The following SLC10A7 variants were observed in gnomAD, a reference collection of about 807,000 sequenced individuals.
SLC10A7 encodes solute carrier family 10 member 7.
Under a neutral mutation model 43.2 loss-of-function variants are expected in SLC10A7, and 29 were observed. The observed-to-expected ratio is 0.67, with a 90% CI of 0.50 to 0.92. The LOEUF (loss-of-function observed/expected upper bound fraction) is 0.92, where lower values mean the gene tolerates loss of function less well. SLC10A7 is among the 40% of genes least tolerant of loss of function. SLC10A7 has a pLI of 0.00. For missense variants in SLC10A7, 295 were observed against 403.2 expected, an observed-to-expected ratio of 0.73 and a Z score of 2.30; for synonymous variants, 152 against 144.8, an observed-to-expected ratio of 1.05 and a Z score of -0.35.
chr4:146,518,922 T>C lies in SLC10A7; in HGVS notation c.101-1802A>G, dbSNP rs142364768. Among the ~76,000 whole-genome samples, 599 of 151,128 alleles carry C rather than the reference T, an allele frequency of 4.0e-3. 4 individuals carry two copies. The highest frequency in any genetic ancestry group is 0.014 in the African/African-American group (562 of 41,138). Reference sequence around the variant, plus strand: ...TTTCTGTTGTACTGAGCCACCTGGTTCATGGTAATTTGTTGTGGCAGCCCT... The same window carrying C: ...TTTCTGTTGTACTGAGCCACCTGGTCCATGGTAATTTGTTGTGGCAGCCCT... On this transcript the variant is annotated intron_variant, in intron 1 of 11. Coordinates refer to ENST00000335472, the MANE Select transcript of SLC10A7 (RefSeq NM_001029998.6).
intron 4 of SLC10A7, among the ~76,000 whole-genome samples, chr4:146,486,005 CT>C (rs139326992): frequency 0.05 from 7,569 of 152,270 alleles, 254 homozygotes; most frequent in South Asian, 0.18. Context: ...ATGGTATTCT[CT>C]TTTCCCAGCC....
chr4:146,282,184 C>A (rs576131710), intron 10 of SLC10A7, among the ~76,000 whole-genome samples: 1 of 151,998 alleles, frequency 6.6e-6, no homozygotes, highest in African/African-American at 2.4e-5. Flanking sequence ...AGTGCATAGA[C>A]TATATATATA....
At chr4:146,500,934 T>G (rs1736352973) in intron 4 of SLC10A7, among the ~76,000 whole-genome samples, 1 of 152,238 alleles carries the variant, frequency 6.6e-6, no homozygotes, top group Admixed American at 6.5e-5. Context: ...ATATCAGCAT[T>G]ATTTTACACA....
At chr4:146,417,087 T>A (rs1179351178) in intron 5 of SLC10A7, among the ~76,000 whole-genome samples, 2 of 152,246 alleles carry the variant, frequency 1.3e-5, no homozygotes, top group Non-Finnish European at 2.9e-5. Context: ...TTTTAGTTGT[T>A]GTATTCCCTC....
intron 5 of SLC10A7, among the ~76,000 whole-genome samples, chr4:146,386,947 A>G (rs766166631): frequency 8.5e-5 from 13 of 152,246 alleles, no homozygotes; most frequent in Non-Finnish European, 1.5e-5. Flanking sequence ...GATACTCAAT[A>G]AACAACTACA....
chr4:146,317,871 G>A (rs1353038852), intron 6 of SLC10A7, among the ~76,000 whole-genome samples: 2 of 151,892 alleles, frequency 1.3e-5, no homozygotes, highest in Admixed American at 1.3e-4. Context: ...CAGTCCTTTG[G>A]CCTTGGACTG....
intron 1 of SLC10A7, among the ~76,000 whole-genome samples, chr4:146,520,031 C>A (rs187062388): frequency 6.6e-6 from 1 of 152,134 alleles, no homozygotes; most frequent in East Asian, 1.9e-4. Flanking sequence ...AAAAGCCCCA[C>A]GGAAATGATT....
intron 5 of SLC10A7, among the ~76,000 whole-genome samples, chr4:146,339,124 C>A (rs1184736178): frequency 6.6e-6 from 1 of 151,856 alleles, no homozygotes; most frequent in East Asian, 1.9e-4. Flanking sequence ...CTAAAATAAT[C>A]AAAAACTGAT....
chr4:146,265,063 C>T (rs1578737559), intron 10 of SLC10A7, among the ~76,000 whole-genome samples: 1 of 152,160 alleles, frequency 6.6e-6, no homozygotes, highest in South Asian at 2.1e-4. Context: ...TCTACTTATT[C>T]GACTTCAGTA....
intron 4 of SLC10A7, among the ~76,000 whole-genome samples, chr4:146,456,195 AAAAAACAG>A (rs1372322650): frequency 6.6e-6 from 1 of 151,952 alleles, no homozygotes; most frequent in Non-Finnish European, 1.5e-5. Flanking sequence ...CTAATGAAAT[AAAAAACAG>A]AAAAACAGTA....
At chr4:146,411,120 C>T (rs1728164025) in intron 5 of SLC10A7, among the ~76,000 whole-genome samples, 1 of 152,270 alleles carries the variant, frequency 6.6e-6, no homozygotes, top group South Asian at 2.1e-4. Flanking sequence ...CAGGTGTAAG[C>T]CACCTTGCCC....
intron 10 of SLC10A7, among the ~76,000 whole-genome samples, chr4:146,268,608 C>T (rs1335459384): frequency 2.0e-5 from 3 of 152,180 alleles, no homozygotes; most frequent in African/African-American, 4.8e-5. Flanking sequence ...ATGCCAGGCA[C>T]TGTTCTGAGA....
intron 4 of SLC10A7, among the ~76,000 whole-genome samples, chr4:146,491,160 G>T: frequency 6.6e-6 from 1 of 152,256 alleles, no homozygotes; most frequent in Middle Eastern, 3.4e-3. Flanking sequence ...GATGGGCAAG[G>T]CTTCAACTAC....
At chr4:146,394,747 C>T (rs1320441995) in intron 5 of SLC10A7, among the ~76,000 whole-genome samples, 3 of 152,034 alleles carry the variant, frequency 2.0e-5, no homozygotes, top group Non-Finnish European at 2.9e-5. Flanking sequence ...AAACATGAAC[C>T]ACATAAACAA....
chr4:146,417,166 C>T (rs1336259234), intron 5 of SLC10A7, among the ~76,000 whole-genome samples: 1 of 152,180 alleles, frequency 6.6e-6, no homozygotes. Flanking sequence ...AGAGTAGGGG[C>T]TCAGCAAAGT....
chr4:146,319,065 A>T (rs1323448512), intron 6 of SLC10A7, among the ~76,000 whole-genome samples: 1 of 152,106 alleles, frequency 6.6e-6, no homozygotes, highest in African/African-American at 2.4e-5. Context: ...TTCTTTAAAA[A>T]AGTACAGCAG....
chr4:146,413,778 A>G (rs947315132), intron 5 of SLC10A7, among the ~76,000 whole-genome samples: 16 of 152,204 alleles, frequency 1.1e-4, no homozygotes, highest in African/African-American at 3.6e-4. Flanking sequence ...TGAGAGTCAT[A>G]TAAGGTTTAC....
chr4:146,323,362 C>T (rs928266058), intron 6 of SLC10A7, among the ~76,000 whole-genome samples: 3 of 152,128 alleles, frequency 2.0e-5, no homozygotes, highest in African/African-American at 7.2e-5. Flanking sequence ...GGTTTTAGGT[C>T]TAACATGTAA....
intron 10 of SLC10A7, among the ~76,000 whole-genome samples, chr4:146,281,805 A>G (rs898584591): frequency 3.3e-5 from 5 of 152,186 alleles, no homozygotes; most frequent in African/African-American, 1.2e-4. Flanking sequence ...TTAGTAATCA[A>G]TAAGAATAGC....
Sources: gnomAD v4.1 joint callset for allele counts (sites outside exome capture counted in the v4.1 genomes callset) on GRCh38, gnomAD v4.1.1 for gene constraint, MANE v1.5 for transcripts, NCBI Gene and HGNC (gene_info 2026-07-23, HGNC 2026-07-21) for gene names.